The following PIK3R1 variants were observed in gnomAD, a reference collection of about 807,000 sequenced individuals.
The protein encoded by PIK3R1 is phosphatidylinositol 3-kinase regulatory subunit alpha.
In PIK3R1, 29 loss-of-function variants were observed where a neutral mutation model predicts 98.0. The ratio of observed to expected loss-of-function variants is 0.30; its 90% CI spans 0.22 to 0.40. PIK3R1 has a LOEUF of 0.40. Ranked by LOEUF, PIK3R1 falls within the 10% of genes least tolerant of loss-of-function variation. PIK3R1 has a pLI of 1.00. For missense variants in PIK3R1, 596 were observed against 872.7 expected, an observed-to-expected ratio of 0.68 and a Z score of 3.99; for synonymous variants, 282 against 311.8, an observed-to-expected ratio of 0.90 and a Z score of 1.01.
chr5:68,227,034 A>C (rs369017744), intron 2 of PIK3R1, 25 bp downstream of exon 2: 149 of 1,554,320 alleles, frequency 9.6e-5, no homozygotes, highest in Non-Finnish European at 1.3e-4. Context: ...GTGGTTGCTT[A>C]ATGACTCCCT....
intron 2 of PIK3R1, among the ~76,000 whole-genome samples, chr5:68,259,778 G>A (rs539130376): frequency 4.6e-5 from 7 of 152,280 alleles, no homozygotes; most frequent in Non-Finnish European, 1.0e-4. Flanking sequence ...CCCCAAAAGG[G>A]GCACAGTTTG....
chr5:68,246,930 G>A (rs1340082590), intron 2 of PIK3R1, among the ~76,000 whole-genome samples: 5 of 152,048 alleles, frequency 3.3e-5, no homozygotes, highest in Admixed American at 2.6e-4. Flanking sequence ...TGAGCCTTAA[G>A]AGGGGAGAGG....
chr5:68,286,255 G>A (rs935925617), intron 7 of PIK3R1, among the ~76,000 whole-genome samples: 3 of 152,202 alleles, frequency 2.0e-5, no homozygotes, highest in Admixed American at 6.5e-5. Flanking sequence ...AGAAGGTAAA[G>A]TTAGTTTTCC....
At chr5:68,226,140 A>C in intron 1 of PIK3R1, 150 bp from the exon 2 acceptor site, 1 of 301,878 alleles carries the variant, frequency 3.3e-6, no homozygotes, top group Non-Finnish European at 6.1e-6. Flanking sequence ...GGACTGCCTT[A>C]CTAATCTCTG....
At chr5:68,225,768 C>A (rs924379891) in intron 1 of PIK3R1, among the ~76,000 whole-genome samples, 2 of 152,202 alleles carry the variant, frequency 1.3e-5, no homozygotes, top group Non-Finnish European at 2.9e-5. Context: ...CATGGGCATG[C>A]GTGATGTCCT....
intron 1 of PIK3R1, among the ~76,000 whole-genome samples, chr5:68,225,109 T>C (rs1035867652): frequency 2.8e-4 from 42 of 152,358 alleles, no homozygotes; most frequent in African/African-American, 8.4e-4. Context: ...CTTTGCAGGA[T>C]TTAGTCTTAG....
Position 68,289,759 on chromosome 5 carries a change from CAAAAAAAAAAA to C in PIK3R1, c.917-2483_917-2473del, listed in dbSNP as rs71305021. On this transcript the variant is annotated intron_variant, in intron 7 of 15. Transcript: ENST00000521381. ...GGCATTTGAGATAGAGGGGGAAAAG[CAAAAAAAAAAA>C]AAAAAAAAAAAAAAAAGTGATTACA... 6.2e-3 allele frequency among the ~76,000 whole-genome samples: 324 copies of C among 51,894 alleles called. 3 individuals are homozygous for C. The highest frequency in any genetic ancestry group is 0.018 in the African/African-American group (298 of 16,180). The allele number at this position is 51,894 out of a possible 152,430, so 34.0% of individuals were successfully genotyped here. A position where few individuals can be genotyped will look rare whatever the true frequency, so the allele number is the denominator to read the frequency against.
rs946214495 is a variant in PIK3R1 at position 68,269,311 on chromosome 5, G to C, written c.335-4079G>C. Among the ~76,000 whole-genome samples the C allele has an allele frequency of 2.0e-5, 3 of 152,192 alleles. No homozygotes were observed. In the South Asian group the frequency reaches 6.2e-4, roughly 31 times the overall value. ...AGTTGGTTCTCCACACTTATACACT[G>C]TGCTACAGCAAGCTTCACAACCAAA... On this transcript the variant is annotated intron_variant, in intron 2 of 15. Transcript: ENST00000521381.
At chr5:68,258,292 A>G (rs1287686803) in intron 2 of PIK3R1, among the ~76,000 whole-genome samples, 5 of 152,216 alleles carry the variant, frequency 3.3e-5, no homozygotes, top group East Asian at 1.9e-4. Flanking sequence ...TCCATGTTCT[A>G]TAAGAATGGA....
intron 8 of PIK3R1, 131 bp downstream of exon 8, chr5:68,292,492 G>C (rs188206678): frequency 6.7e-7 from 1 of 1,486,108 alleles, no homozygotes; most frequent in South Asian, 1.2e-5. Context: ...TTCCAAAGAC[G>C]ACCAGAAAAA....
chr5:68,244,982 A>G (rs868647443), intron 2 of PIK3R1, among the ~76,000 whole-genome samples: 2 of 152,358 alleles, frequency 1.3e-5, no homozygotes, highest in African/African-American at 2.4e-5. Context: ...ACAGAGGGGT[A>G]AAGGCACTCA....
intron 9 of PIK3R1, 48 bp from the exon 10 acceptor site, chr5:68,293,255 T>G (rs749020080): frequency 6.3e-7 from 1 of 1,594,040 alleles, no homozygotes; most frequent in East Asian, 2.2e-5. Context: ...AAAACATATT[T>G]CCTTATTCCA....
Position 68,299,018 on chromosome 5 carries a change from AGTT to A in PIK3R1, c.*1421_*1423del, listed in dbSNP as rs1197836408. ...CAGTCTTCTCTCACTTTGATTTGCT[AGTT>A]GTTATCAATTAATGACAATTACAAA... On this transcript the variant is annotated 3_prime_UTR_variant, in exon 16 of 16. Transcript: ENST00000521381. 2 of 233,432 alleles carry A rather than the reference AGTT, an allele frequency of 8.6e-6. No individual in the cohort carries two copies. Among genetic ancestry groups the A allele is most frequent in the East Asian group, 6.0e-5 (1 of 16,558 alleles). The allele number at this position is 233,432 out of a possible 1,614,324, so 14.5% of individuals were successfully genotyped here. A position where few individuals can be genotyped will look rare whatever the true frequency, so the allele number is the denominator to read the frequency against.
intron 2 of PIK3R1, among the ~76,000 whole-genome samples, chr5:68,232,247 A>C (rs180876745): frequency 2.8e-4 from 42 of 152,332 alleles, no homozygotes; most frequent in Admixed American, 5.2e-4. Context: ...TTCTCAATAC[A>C]TTCTTGATTT....
At chr5:68,261,589 A>G (rs1317088121) in intron 2 of PIK3R1, among the ~76,000 whole-genome samples, 1 of 152,180 alleles carries the variant, frequency 6.6e-6, no homozygotes, top group Non-Finnish European at 1.5e-5. Flanking sequence ...GGCCCCAAAA[A>G]GTAATTTATG....
At chr5:68,253,874 A>G (rs1480160200) in intron 2 of PIK3R1, among the ~76,000 whole-genome samples, 1 of 152,232 alleles carries the variant, frequency 6.6e-6, no homozygotes, top group East Asian at 1.9e-4. Context: ...GCAGGTGGAA[A>G]GCTTATTTAG....
rs150061826 is a variant in PIK3R1, at chr5:68,237,920, C to G, written c.334+10911C>G. 2.9e-3 allele frequency among the ~76,000 whole-genome samples: 440 copies of G among 152,280 alleles called. 2 individuals are homozygous for G. The highest frequency in any genetic ancestry group is 0.01 in the African/African-American group (425 of 41,550). ...ACTGTCCTCAGGAATGCTCTTCCCC[C>G]CTCTTCCTTGTCCTCTCCGACAGAG... On this transcript the variant is annotated intron_variant, in intron 2 of 15. Coordinates refer to ENST00000521381, the MANE Select transcript of PIK3R1 (RefSeq NM_181523.3).
At chr5:68,260,556 G>A (rs929606129) in intron 2 of PIK3R1, among the ~76,000 whole-genome samples, 3 of 152,086 alleles carry the variant, frequency 2.0e-5, no homozygotes, top group South Asian at 2.1e-4. Context: ...GGATGCAGCC[G>A]GACAGAGGTT....
rs894544082 is a variant in PIK3R1 at position 68,263,129 on chromosome 5, A to G, written c.335-10261A>G. 2.2e-4 allele frequency among the ~76,000 whole-genome samples: 18 copies of G among 80,678 alleles called. 1 individual carries two copies. The highest frequency in any genetic ancestry group is 6.1e-4 in the African/African-American group (12 of 19,548). 52.9% of individuals were successfully genotyped at this position (80,678 alleles called of 152,430 possible). On this transcript the variant is annotated intron_variant, in intron 2 of 15. Transcript: ENST00000521381. ...GATACATACATAGATATATAGATAC[A>G]TAGATACATATATATTTATATATGT...
Sources: allele counts gnomAD v4.1 joint callset (sites outside exome capture counted in the v4.1 genomes callset), GRCh38; gene constraint gnomAD v4.1.1; transcripts MANE v1.5; gene names NCBI Gene and HGNC (gene_info 2026-07-23, HGNC 2026-07-21).